GCA: variants seen among roughly 807,000 people sequenced by gnomAD.
GCA encodes grancalcin.
Under a neutral mutation model 32.6 loss-of-function variants are expected in GCA, and 30 were observed. The ratio of observed to expected loss-of-function variants is 0.92; its 90% CI spans 0.69 to 1.25. The LOEUF (loss-of-function observed/expected upper bound fraction) is 1.25, where lower values mean the gene tolerates loss of function less well. GCA is among the 50% of genes most tolerant of loss of function. The probability of loss-of-function intolerance (pLI) is 0.00; values close to 1 mark genes in which losing one functional copy is unlikely to be tolerated. For missense variants in GCA, 291 were observed against 266.8 expected (o/e 1.09, Z -0.63); for synonymous variants, 102 against 84.6 (o/e 1.21, Z -1.13).
chr2:162,350,717 T>C (rs1213218444), intron 2 of GCA, among the ~76,000 whole-genome samples: 1 of 152,330 alleles, frequency 6.6e-6, no homozygotes, highest in South Asian at 2.1e-4. Flanking sequence ...GTTTGAACTA[T>C]TTGATACTTT....
intron 1 of GCA, among the ~76,000 whole-genome samples, chr2:162,335,612 G>C (rs1305949803): frequency 6.6e-6 from 1 of 152,108 alleles, no homozygotes; most frequent in African/African-American, 2.4e-5. Context: ...TTAATCTAAA[G>C]CTAGCCCAGG....
chr2:162,371,241 T>C, intron 4 of GCA: 1 of 791,550 alleles, frequency 1.3e-6, no homozygotes, highest in Non-Finnish European at 1.9e-6. Context: ...CTATGTTTAG[T>C]TTTTGGATAT....
At chr2:162,322,656 T>C (rs1683721587) in intron 1 of GCA, among the ~76,000 whole-genome samples, 1 of 147,336 alleles carries the variant, frequency 6.8e-6, no homozygotes, top group Admixed American at 6.8e-5. Flanking sequence ...GAATATGCGG[T>C]GTTTGGTTTT....
At position 162,361,080 on chromosome 2, in the gene GCA, C is replaced by A. The variant is rs1441725560; in HGVS notation, c.*837C>A. On this transcript the variant is annotated 3_prime_UTR_variant, in exon 8 of 8. Coordinates refer to ENST00000437150, the MANE Select transcript of GCA (RefSeq NM_012198.5). ...AATTGTTGTTTAAATGTAATGTCAA[C>A]TCTTTATAAACTTAAAAATAAACAA... The A allele has an allele frequency of 1.9e-5, 18 of 947,236 alleles. No individual in the cohort carries two copies. The highest frequency in any genetic ancestry group is 2.3e-5 in the Non-Finnish European group (18 of 788,994). The allele number at this position is 947,236 out of a possible 1,614,324, so 58.7% of individuals were successfully genotyped here.
At chr2:162,337,543 A>G (rs1442974135) in intron 1 of GCA, among the ~76,000 whole-genome samples, 1 of 152,206 alleles carries the variant, frequency 6.6e-6, no homozygotes, top group Non-Finnish European at 1.5e-5. Context: ...AGCAGCAGCA[A>G]CTGAGCTTTA....
chr2:162,345,285 C>T (rs1203191574), intron 1 of GCA, among the ~76,000 whole-genome samples: 1 of 152,174 alleles, frequency 6.6e-6, no homozygotes, highest in Non-Finnish European at 1.5e-5. Context: ...TATGCCTCCT[C>T]AGTCCTTAAA....
chr2:162,339,995 C>T (rs940634653), upstream of GCA, among the ~76,000 whole-genome samples: 3 of 152,100 alleles, frequency 2.0e-5, no homozygotes, highest in African/African-American at 7.2e-5. Flanking sequence ...AGTCATAAAA[C>T]TATTTATATT....
chr2:162,330,015 T>C (rs1358181983), intron 1 of GCA, among the ~76,000 whole-genome samples: 1 of 152,242 alleles, frequency 6.6e-6, no homozygotes, highest in Non-Finnish European at 1.5e-5. Context: ...CATTCTTTTT[T>C]ATGGCTGCAT....
chr2:162,344,393 C>G (rs1684572706), intron 1 of GCA, 118 bp downstream of exon 1: 1 of 944,638 alleles, frequency 1.1e-6, no homozygotes, highest in African/African-American at 1.6e-5. Flanking sequence ...GCCTGGTACT[C>G]GGCGGCGCCG....
chr2:162,328,927 T>C (rs1263015548), intron 1 of GCA, among the ~76,000 whole-genome samples: 1 of 152,136 alleles, frequency 6.6e-6, no homozygotes, highest in African/African-American at 2.4e-5. Context: ...GCCTGGGCTC[T>C]CCACTGACTA....
At chr2:162,374,780 T>A (rs1464278349), downstream of GCA, among the ~76,000 whole-genome samples, 1 of 152,224 alleles carries the variant, frequency 6.6e-6, no homozygotes, top group Non-Finnish European at 1.5e-5. Flanking sequence ...AACACATTAT[T>A]CTTGCAGTTT....
In GCA at chr2:162,333,183, G is replaced by C. The variant is rs140842619; in HGVS notation, c.-31+13958G>C. Among the ~76,000 whole-genome samples the C allele has an allele frequency of 4.1e-4, 62 of 152,118 alleles. 2 individuals carry two copies. In the East Asian group the frequency reaches 0.012, roughly 28 times the overall value. ...AAAAGTTGAGCAAGTTCTGGAACCT[G>C]TATACCATTTTGTTGAAGGTGGGAA... On this transcript the variant is annotated intron_variant, in intron 1 of 4. Transcript: ENST00000429691.
Position 162,332,801 on chromosome 2 carries a change from C to A in GCA, c.-31+13576C>A, listed in dbSNP as rs141432250. On this transcript the variant is annotated intron_variant, in intron 1 of 4. Transcript: ENST00000429691. Reference sequence around the variant, plus strand: ...ACAGTCACATTTATTGCAAGTTTATCATGGCCTAGGTGACTAATATTTAAA... The same window carrying A: ...ACAGTCACATTTATTGCAAGTTTATAATGGCCTAGGTGACTAATATTTAAA... Among the ~76,000 whole-genome samples, 28 of 151,762 alleles carry A rather than the reference C, an allele frequency of 1.8e-4. 1 individual carries two copies. The highest frequency in any genetic ancestry group is 6.8e-4 in the African/African-American group (28 of 41,052).
exon 5 of GCA, chr2:162,371,564 C>A: frequency 1.2e-6 from 1 of 849,856 alleles, no homozygotes; most frequent in Non-Finnish European, 1.6e-6. Context: ...TCCTAACATG[C>A]ATGTGATTTA....
chr2:162,341,267 T>TTATATATATATATATATATATATA (rs3052040), upstream of GCA, among the ~76,000 whole-genome samples: 6 of 116,248 alleles, frequency 5.2e-5, no homozygotes, highest in East Asian at 2.4e-4. Flanking sequence ...CTTATTTATT[T>TTATATATATATATATATATATATA]TATATATATA....
At chr2:162,343,967 G>A (rs906354452), upstream of GCA, 2 of 468,590 alleles carry the variant, frequency 4.3e-6, no homozygotes, top group African/African-American at 2.0e-5. Flanking sequence ...GAGGGCTCCC[G>A]ATGGGGTGTA....
chr2:162,331,924 G>A (rs1252662189), intron 1 of GCA, among the ~76,000 whole-genome samples: 1 of 152,290 alleles, frequency 6.6e-6, no homozygotes, highest in African/African-American at 2.4e-5. Context: ...GAAAGGACAT[G>A]TAGTCTGGAA....
chr2:162,359,673 C>A (rs1247753642), intron 7 of GCA, 121 bp downstream of exon 7: 2 of 466,342 alleles, frequency 4.3e-6, no homozygotes, highest in Non-Finnish European at 7.9e-6. Flanking sequence ...ACATACTTTT[C>A]CATATTTTTC....
chr2:162,344,230 T>C lies in GCA; in HGVS notation c.-19T>C. ...GACGCGACTCGAGGGTGACGCTCGC[T>C]CCGCTCGTCCCGCTCGTCATGGCCT... is the stretch of plus-strand genomic sequence containing the variant. On this transcript the variant is annotated 5_prime_UTR_variant, in exon 1 of 8. Transcript: ENST00000437150. 1.9e-6 allele frequency: 3 copies of C among 1,613,664 alleles called. No individual in the cohort carries two copies. Among genetic ancestry groups the C allele is most frequent in the Non-Finnish European group, 2.5e-6 (3 of 1,179,854 alleles).
Sources: gnomAD v4.1 joint callset for allele counts (sites outside exome capture counted in the v4.1 genomes callset) on GRCh38, gnomAD v4.1.1 for gene constraint, MANE v1.5 for transcripts, NCBI Gene and HGNC (gene_info 2026-07-23, HGNC 2026-07-21) for gene names.